CYTH3: variants seen among roughly 807,000 people sequenced by gnomAD.
CYTH3 encodes cytohesin-3.
Under a neutral mutation model 55.1 loss-of-function variants are expected in CYTH3, and 23 were observed. That is an observed-to-expected ratio of 0.42 (90% CI 0.30 to 0.59). CYTH3 has a LOEUF of 0.59. Among genes scored for constraint, CYTH3 ranks in the 20% least tolerant of loss-of-function variants. CYTH3 has a pLI of 0.20. For missense variants in CYTH3, 413 were observed against 524.8 expected (o/e 0.79, Z 2.08); for synonymous variants, 249 against 194.9 (o/e 1.28, Z -2.31).
At chr7:6,243,378 G>T (rs952591034) in intron 1 of CYTH3, among the ~76,000 whole-genome samples, 1 of 152,200 alleles carries the variant, frequency 6.6e-6, no homozygotes, top group Non-Finnish European at 1.5e-5. Context: ...AAAGCTAACC[G>T]AGCACATGCT....
chr7:6,195,454 TTTTC>T (rs1426889168), intron 1 of CYTH3, among the ~76,000 whole-genome samples: 2 of 152,108 alleles, frequency 1.3e-5, no homozygotes, highest in Non-Finnish European at 2.9e-5. Flanking sequence ...GTGGTTTTCT[TTTTC>T]TTTTTTATTT....
intron 1 of CYTH3, chr7:6,212,825 T>C (rs1237552968): frequency 6.6e-6 from 1 of 152,234 alleles, no homozygotes; most frequent in African/African-American, 2.4e-5. Flanking sequence ...ATGAACACTC[T>C]GATGGCTTCA....
chr7:6,165,478 C>A (rs1782971153), intron 11 of CYTH3, 51 bp from the exon 12 acceptor site: 1 of 1,608,968 alleles, frequency 6.2e-7, no homozygotes, highest in South Asian at 1.1e-5. Flanking sequence ...GGGGCAGGTT[C>A]CCTGCAGGCA....
intron 1 of CYTH3, among the ~76,000 whole-genome samples, chr7:6,209,086 G>C (rs972284051): frequency 6.6e-6 from 1 of 152,212 alleles, no homozygotes; most frequent in Non-Finnish European, 1.5e-5. Context: ...GCAACAGATA[G>C]AGAGGCAATG....
rs1562876847 is a variant in CYTH3, at chr7:6,171,842, CACCCTCAGGCA to C, written c.450-539_450-529del. On this transcript the variant is annotated intron_variant, in intron 6 of 12. Coordinates refer to ENST00000350796, the MANE Select transcript of CYTH3 (RefSeq NM_004227.4). The surrounding 1 kb of genome is among the most constrained non-coding windows in gnomAD (Gnocchi z 6.7). ...AGAGACCAGGCCCAGCAGACACTCCCACCCTCAGGCATCCCCTCTGGCTGAGGTCTCCCTGG... is the reference window on the plus strand; with the variant it reads ...AGAGACCAGGCCCAGCAGACACTCCCTCCCCTCTGGCTGAGGTCTCCCTGG... 1 of 156,590 alleles carries C rather than the reference CACCCTCAGGCA, an allele frequency of 6.4e-6. No individual in the cohort carries two copies. Among genetic ancestry groups the C allele is most frequent in the East Asian group, 1.9e-4 (1 of 5,324 alleles). The allele number at this position is 156,590 out of a possible 1,614,324, so 9.7% of individuals were successfully genotyped here.
chr7:6,189,818 C>T (rs1045063549), intron 2 of CYTH3, among the ~76,000 whole-genome samples: 6 of 151,970 alleles, frequency 3.9e-5, no homozygotes, highest in South Asian at 2.1e-4. Context: ...GAGCGGATCA[C>T]GAGGTCAGGA....
At position 6,254,670 on chromosome 7, in the gene CYTH3, G is replaced by C. The variant is rs138881713; in HGVS notation, c.34+17804C>G. 2.6e-5 allele frequency among the ~76,000 whole-genome samples: 4 copies of C among 152,232 alleles called. No individual in the cohort carries two copies. In the East Asian group the frequency reaches 7.7e-4, roughly 29 times the overall value. ...TCACCATGTTGGCCAGGCTGGTCTCGAACTCCTGACCTCAAACAATCTGCG... is the reference window on the plus strand; with the variant it reads ...TCACCATGTTGGCCAGGCTGGTCTCCAACTCCTGACCTCAAACAATCTGCG... On this transcript the variant is annotated intron_variant, in intron 1 of 12. Transcript: ENST00000350796.
intron 1 of CYTH3, among the ~76,000 whole-genome samples, chr7:6,268,597 G>C (rs1780570754): frequency 6.6e-6 from 1 of 152,176 alleles, no homozygotes; most frequent in Non-Finnish European, 1.5e-5. Flanking sequence ...TAAGTCTCTT[G>C]CTTGCTGATG....
Position 6,190,309 on chromosome 7 carries a change from C to G in CYTH3, c.117+140G>C, listed in dbSNP as rs908580154. ...TTTGTGTAGTTCTTATATGCACACA[C>G]TAAACATCTTTTTTTTTTGTTATTT... On this transcript the variant is annotated intron_variant, in intron 2 of 12. Transcript: ENST00000350796. The G allele has an allele frequency of 1.9e-5, 16 of 821,012 alleles. No homozygotes were observed. The African/African-American group carries it at 2.4e-4, about 12-fold the overall frequency. The allele number at this position is 821,012 out of a possible 1,614,324, so 50.9% of individuals were successfully genotyped here.
At chr7:6,192,745 C>T (rs1246145284) in intron 1 of CYTH3, among the ~76,000 whole-genome samples, 1 of 148,548 alleles carries the variant, frequency 6.7e-6, no homozygotes, top group Non-Finnish European at 1.5e-5. Context: ...GTTGGCCAGG[C>T]TGGTCTTGAA....
At chr7:6,248,887 G>A (rs1779891880) in intron 1 of CYTH3, among the ~76,000 whole-genome samples, 1 of 152,150 alleles carries the variant, frequency 6.6e-6, no homozygotes, top group Non-Finnish European at 1.5e-5. Flanking sequence ...GTGATTCAAG[G>A]GAGGGGAGGT....
intron 1 of CYTH3, among the ~76,000 whole-genome samples, chr7:6,229,919 G>A (rs745591498): frequency 1.3e-5 from 2 of 152,038 alleles, no homozygotes; most frequent in Non-Finnish European, 2.9e-5. Context: ...GTGATAGCTT[G>A]AGGTCTGGAG....
At chr7:6,182,896 A>C (rs1783545128) in intron 4 of CYTH3, among the ~76,000 whole-genome samples, 2 of 152,158 alleles carry the variant, frequency 1.3e-5, no homozygotes, top group South Asian at 2.1e-4. Context: ...TGGTTTCCTC[A>C]AACGCTTGGT....
rs575116153 is a variant in CYTH3 at position 6,271,005 on chromosome 7, T to C, written c.34+1469A>G. Among the ~76,000 whole-genome samples the C allele has an allele frequency of 1.1e-3, 172 of 152,308 alleles. 2 individuals carry two copies. The South Asian group carries it at 0.035, about 31-fold the overall frequency. On this transcript the variant is annotated intron_variant, in intron 1 of 12. Transcript: ENST00000350796. Reference sequence around the variant, plus strand: ...CCAACGTCTGCATATTACAGTTGTCTTTCTTTTCTAACAAGGGAAAACAGC... The same window carrying C: ...CCAACGTCTGCATATTACAGTTGTCCTTCTTTTCTAACAAGGGAAAACAGC...
rs1782979485 is a variant in CYTH3 at position 6,165,717 on chromosome 7, G to A, written c.900+17C>T. 6.2e-7 allele frequency: 1 copy of A among 1,614,082 alleles called. No homozygotes were observed. Among genetic ancestry groups the A allele is most frequent in the Non-Finnish European group, 8.5e-7 (1 of 1,179,932 alleles). ...GGGACTGCTGGGAGGCGGCAAGGAG[G>A]CCTGGCCCTTACTTACTGTTGTGTA... On this transcript the variant is annotated intron_variant, in intron 10 of 12. Transcript: ENST00000350796.
intron 1 of CYTH3, among the ~76,000 whole-genome samples, chr7:6,238,808 G>A (rs1779595251): frequency 6.6e-6 from 1 of 152,054 alleles, no homozygotes. Flanking sequence ...GTATATGGGA[G>A]CTCTTTATTT....
intron 1 of CYTH3, among the ~76,000 whole-genome samples, chr7:6,207,222 G>A (rs1437666887): frequency 6.7e-6 from 1 of 150,188 alleles, no homozygotes; most frequent in African/African-American, 2.5e-5. Flanking sequence ...AGCCTCCCGA[G>A]TACCTGGGAC....
intron 1 of CYTH3, among the ~76,000 whole-genome samples, chr7:6,253,642 C>T (rs1427160248): frequency 6.6e-6 from 1 of 151,894 alleles, no homozygotes; most frequent in East Asian, 1.9e-4. Flanking sequence ...TTGATGAAAC[C>T]CTATCTCTAC....
rs1397840431 is a variant in CYTH3 at position 6,169,827 on chromosome 7, A to G, written c.823+708T>C. 6.6e-6 allele frequency among the ~76,000 whole-genome samples: 1 copy of G among 151,762 alleles called. No homozygotes were observed. The highest frequency in any genetic ancestry group is 2.4e-5 in the African/African-American group (1 of 41,270). Reference sequence around the variant, plus strand: ...GCTGTCTGCTTCTCTACTGCTGCGGACCCCTAGAGACACAGGGTGGGGGGC... The same window carrying G: ...GCTGTCTGCTTCTCTACTGCTGCGGGCCCCTAGAGACACAGGGTGGGGGGC... On this transcript the variant is annotated intron_variant, in intron 9 of 12. Transcript: ENST00000350796. This position sits in a 1 kb window ranked among gnomAD's most constrained non-coding sequence, Gnocchi z 4.1.
Sources: allele counts gnomAD v4.1 joint callset (sites outside exome capture counted in the v4.1 genomes callset), GRCh38; gene constraint gnomAD v4.1.1; non-coding constraint Gnocchi (gnomAD v3.1); transcripts MANE v1.5; gene names NCBI Gene and HGNC (gene_info 2026-07-23, HGNC 2026-07-21).